The following GRAMD1B variants were observed in gnomAD, a reference collection of about 807,000 sequenced individuals.
The protein encoded by GRAMD1B is GRAM domain containing 1B, also known as protein Aster-B.
Under a neutral mutation model 99.7 loss-of-function variants are expected in GRAMD1B, and 37 were observed. The ratio of observed to expected loss-of-function variants is 0.37; its 90% confidence interval spans 0.29 to 0.49. The LOEUF (loss-of-function observed/expected upper bound fraction) is 0.49, where lower values mean the gene tolerates loss of function less well. Among genes scored for constraint, GRAMD1B ranks in the 20% least tolerant of loss-of-function variants. The pLI, the probability that GRAMD1B is intolerant of heterozygous loss-of-function variation, is 0.98. For synonymous variants in GRAMD1B, 427 were observed against 387.6 expected, an observed-to-expected ratio of 1.10 and a Z score of -1.19; for missense variants, 888 against 1,009.2, an observed-to-expected ratio of 0.88 and a Z score of 1.63.
At chr11:123,389,623 T>C (rs1447939001) in intron 1 of GRAMD1B, among the ~76,000 whole-genome samples, 1 of 152,180 alleles carries the variant, frequency 6.6e-6, no homozygotes, top group Admixed American at 6.5e-5. Context: ...TTAATAATTA[T>C]GTATTAATAT....
chr11:123,466,796 T>C (rs540125398), intron 1 of GRAMD1B, among the ~76,000 whole-genome samples: 3 of 152,344 alleles, frequency 2.0e-5, no homozygotes, highest in East Asian at 3.9e-4. Flanking sequence ...CATTACCTTC[T>C]GAGTAAAGGT....
rs1952602744 is a variant in GRAMD1B, at chr11:123,605,611, G to A, written c.1323+133G>A. 8.1e-6 allele frequency: 6 copies of A among 739,424 alleles called. No individual in the cohort carries two copies. In the South Asian group the frequency reaches 1.3e-4, roughly 15 times the overall value. 45.8% of individuals were successfully genotyped at this position (739,424 alleles called of 1,614,324 possible). Reference sequence around the variant, plus strand: ...ACATTGTTGTCAGTTTCTTCAAGGAGGCATTCTGGAGCAGATGGGCTCTCC... The same window carrying A: ...ACATTGTTGTCAGTTTCTTCAAGGAAGCATTCTGGAGCAGATGGGCTCTCC... On this transcript the variant is annotated intron_variant, in intron 10 of 19. Coordinates refer to ENST00000635736, the MANE Select transcript of GRAMD1B (RefSeq NM_001387025.1).
chr11:123,478,966 C>T (rs1432767975), intron 1 of GRAMD1B, among the ~76,000 whole-genome samples: 2 of 152,202 alleles, frequency 1.3e-5, no homozygotes, highest in Non-Finnish European at 2.9e-5. Flanking sequence ...ATTCATATAA[C>T]AGGCCAGTTC....
intron 19 of GRAMD1B, among the ~76,000 whole-genome samples, chr11:123,619,742 T>C (rs1204544409): frequency 1.6e-4 from 25 of 152,144 alleles, no homozygotes; most frequent in Admixed American, 1.6e-3. Context: ...CAAAACTAGA[T>C]CAACTATTTA....
intron 11 of GRAMD1B, among the ~76,000 whole-genome samples, chr11:123,607,029 G>A (rs1952839646): frequency 6.6e-6 from 1 of 152,142 alleles, no homozygotes; most frequent in Non-Finnish European, 1.5e-5. Flanking sequence ...GTCACTAAAT[G>A]TTCCCCCTAT....
At position 123,510,346 on chromosome 11, in the gene GRAMD1B, C is replaced by T. The variant is rs571407031; in HGVS notation, c.452+29453C>T. The stretch of plus-strand genomic sequence containing the variant: ...CAGGCCTCCGTCTTTGTGCCCTCTC[C>T]CTCTCAACAGGGGGAGCCTGGGAAG... On this transcript the variant is annotated intron_variant, in intron 2 of 19. Coordinates refer to ENST00000635736, the MANE Select transcript of GRAMD1B (RefSeq NM_001387025.1). The surrounding 1 kb of genome is among the most constrained non-coding windows in gnomAD (Gnocchi z 4.3). Among the ~76,000 whole-genome samples the T allele has an allele frequency of 1.2e-4, 19 of 152,226 alleles. No homozygotes were observed. Among genetic ancestry groups the T allele is most frequent in the African/African-American group, 4.6e-4 (19 of 41,538 alleles).
At chr11:123,621,427 C>G (rs1014963852) in intron 19 of GRAMD1B, among the ~76,000 whole-genome samples, 6 of 152,184 alleles carry the variant, frequency 3.9e-5, no homozygotes, top group Admixed American at 1.3e-4. Flanking sequence ...GGAACCCACT[C>G]AGTTCTCTGC....
chr11:123,384,974 G>A (rs1315224203), intron 1 of GRAMD1B, among the ~76,000 whole-genome samples: 1 of 152,200 alleles, frequency 6.6e-6, no homozygotes, highest in African/African-American at 2.4e-5. Context: ...CATCCCACGG[G>A]TCATAATTTG....
chr11:123,603,993 A>G (rs1227717759), intron 9 of GRAMD1B, among the ~76,000 whole-genome samples: 2 of 152,234 alleles, frequency 1.3e-5, no homozygotes, highest in Non-Finnish European at 2.9e-5. Flanking sequence ...AACAGAAAGG[A>G]ACCAAAGGTG....
At chr11:123,494,813 G>A (rs1049124888) in intron 2 of GRAMD1B, among the ~76,000 whole-genome samples, 1 of 152,148 alleles carries the variant, frequency 6.6e-6, no homozygotes, top group Non-Finnish European at 1.5e-5. Flanking sequence ...AAGAAGGAAT[G>A]TGAGTGGGTG....
chr11:123,590,426 C>A (rs773754748), intron 4 of GRAMD1B, among the ~76,000 whole-genome samples: 8 of 152,346 alleles, frequency 5.3e-5, no homozygotes, highest in Admixed American at 4.6e-4. Context: ...CCCTACTCCA[C>A]GCCTCCATGT....
At chr11:123,455,256 A>G (rs1266946022) in intron 1 of GRAMD1B, among the ~76,000 whole-genome samples, 3 of 152,220 alleles carry the variant, frequency 2.0e-5, no homozygotes, top group African/African-American at 7.2e-5. Context: ...AACTAAAATC[A>G]AAACAGATTT....
chr11:123,493,147 G>T (rs1403576558), intron 2 of GRAMD1B, among the ~76,000 whole-genome samples: 1 of 152,160 alleles, frequency 6.6e-6, no homozygotes, highest in Non-Finnish European at 1.5e-5. Context: ...AGGTTTTGGA[G>T]ACCAAAATAC....
chr11:123,548,365 T>TACAC (rs113307581), intron 2 of GRAMD1B, among the ~76,000 whole-genome samples: 1,449 of 129,114 alleles, frequency 0.011, 38 homozygotes, highest in African/African-American at 0.041. Flanking sequence ...TATATATATG[T>TACAC]ACACACACAC....
Position 123,623,825 on chromosome 11 carries a change from T to A in GRAMD1B, c.*1230T>A, listed in dbSNP as rs902334485. On this transcript the variant is annotated 3_prime_UTR_variant, in exon 20 of 20. Coordinates refer to ENST00000635736, the MANE Select transcript of GRAMD1B (RefSeq NM_001387025.1). ...TGAAATCTATGCCCTACGGGAGCCA[T>A]TCCCAATCCTGAGTTTCTCAGACTT... The A allele has an allele frequency of 1.3e-5, 2 of 152,852 alleles. No individual in the cohort carries two copies. The highest frequency in any genetic ancestry group is 3.8e-4 in the East Asian group (2 of 5,214). The allele number at this position is 152,852 out of a possible 1,614,324, so 9.5% of individuals were successfully genotyped here. A position where few individuals can be genotyped will look rare whatever the true frequency, so the allele number is the denominator to read the frequency against.
chr11:123,513,515 T>TTTCC (rs58960047), intron 2 of GRAMD1B, among the ~76,000 whole-genome samples: 3,166 of 144,844 alleles, frequency 0.022, 143 homozygotes, highest in African/African-American at 0.062. Context: ...TCTTTCTTTC[T>TTTCC]TTCCTTCCTT....
At chr11:123,557,977 C>CTTTTTT (rs532091098) in intron 2 of GRAMD1B, among the ~76,000 whole-genome samples, 3 of 99,912 alleles carry the variant, frequency 3.0e-5, no homozygotes, top group African/African-American at 6.5e-5. Flanking sequence ...TTCAGTGCAA[C>CTTTTTT]TTTTTTTTTT....
chr11:123,367,062 G>T (rs1278761702), intron 1 of GRAMD1B, among the ~76,000 whole-genome samples: 1 of 152,114 alleles, frequency 6.6e-6, no homozygotes, highest in Non-Finnish European at 1.5e-5. Flanking sequence ...ACTTAGCCAG[G>T]CATGATGGCA....
chr11:123,571,376 C>T (rs4936831), intron 2 of GRAMD1B, among the ~76,000 whole-genome samples: 12 of 152,090 alleles, frequency 7.9e-5, no homozygotes, highest in Non-Finnish European at 1.3e-4. Context: ...GCAGGGATGC[C>T]GCAGAGAGTC....
Sources: gnomAD v4.1 joint callset for allele counts (sites outside exome capture counted in the v4.1 genomes callset) on GRCh38, gnomAD v4.1.1 for gene constraint, Gnocchi (gnomAD v3.1) non-coding constraint, MANE v1.5 for transcripts, NCBI Gene and HGNC (gene_info 2026-07-23, HGNC 2026-07-21) for gene names.